NTNG1: variants seen among roughly 807,000 people sequenced by gnomAD.
The protein encoded by NTNG1 is netrin G1, also known as netrin-G1.
NTNG1 carries 16 observed loss-of-function variants against 54.0 expected under a neutral mutation model. The ratio of observed to expected loss-of-function variants is 0.30; its 90% CI spans 0.20 to 0.45. The LOEUF (loss-of-function observed/expected upper bound fraction) is 0.45. Among genes scored for constraint, NTNG1 ranks in the 20% least tolerant of loss-of-function variants. The pLI is 1.00. For synonymous variants in NTNG1, 255 were observed against 263.1 expected, an observed-to-expected ratio of 0.97 and a Z score of 0.30; for missense variants, 530 against 678.7, an observed-to-expected ratio of 0.78 and a Z score of 2.43.
intron 2 of NTNG1, among the ~76,000 whole-genome samples, chr1:107,171,684 G>A (rs1043681383): frequency 5.9e-5 from 9 of 152,156 alleles, no homozygotes; most frequent in Admixed American, 5.9e-4. Flanking sequence ...TGCATTTATC[G>A]CTCTAAAATC....
intron 3 of NTNG1, among the ~76,000 whole-genome samples, chr1:107,347,738 G>A (rs1669338048): frequency 6.6e-6 from 1 of 152,134 alleles, no homozygotes; most frequent in Non-Finnish European, 1.5e-5. Flanking sequence ...TGCATTGCTG[G>A]GGAGGCCTCA....
At chr1:107,388,206 G>A (rs1235374772) in intron 3 of NTNG1, among the ~76,000 whole-genome samples, 1 of 152,188 alleles carries the variant, frequency 6.6e-6, no homozygotes, top group African/African-American at 2.4e-5. Context: ...TAGTAGTAGA[G>A]ATAGTAACTA....
At chr1:107,352,629 G>A (rs1431684516) in intron 3 of NTNG1, among the ~76,000 whole-genome samples, 1 of 152,200 alleles carries the variant, frequency 6.6e-6, no homozygotes, top group Non-Finnish European at 1.5e-5. Flanking sequence ...AAAGAAAGGG[G>A]CTACAGGCCC....
intron 3 of NTNG1, among the ~76,000 whole-genome samples, chr1:107,360,574 A>G (rs1028613660): frequency 6.6e-6 from 1 of 152,226 alleles, no homozygotes; most frequent in Non-Finnish European, 1.5e-5. Flanking sequence ...AATATAATTT[A>G]TATGATAATG....
chr1:107,407,630 A>G (rs577951701), intron 4 of NTNG1, 52 bp from the exon 5 acceptor site: 2 of 1,395,190 alleles, frequency 1.4e-6, no homozygotes, highest in Non-Finnish European at 2.0e-6. Context: ...TAAAGATGTT[A>G]TGTACTAATA....
chr1:107,442,020 G>C (rs887375027), intron 7 of NTNG1, among the ~76,000 whole-genome samples: 2 of 152,098 alleles, frequency 1.3e-5, no homozygotes, highest in African/African-American at 2.4e-5. Context: ...AGACCATTTA[G>C]AGGATACATT....
intron 2 of NTNG1, among the ~76,000 whole-genome samples, chr1:107,219,328 G>A (rs1189838832): frequency 1.3e-5 from 2 of 151,928 alleles, no homozygotes; most frequent in African/African-American, 4.8e-5. Flanking sequence ...CCTGTACTAT[G>A]TTTTTGATTT....
chr1:107,416,570 A>AAAAC (rs1674219889), intron 5 of NTNG1, among the ~76,000 whole-genome samples: 1 of 152,098 alleles, frequency 6.6e-6, no homozygotes, highest in Admixed American at 6.6e-5. Flanking sequence ...AAAAAATCAT[A>AAAAC]AAACACTAAG....
At chr1:107,205,330 A>C (rs1659094117) in intron 2 of NTNG1, among the ~76,000 whole-genome samples, 1 of 152,100 alleles carries the variant, frequency 6.6e-6, no homozygotes, top group African/African-American at 2.4e-5. Context: ...GGTTTGCTAT[A>C]CAGCCTCAGT....
chr1:107,395,009 G>T (rs2101088845), intron 3 of NTNG1, 145 bp from the exon 4 acceptor site: 2 of 684,930 alleles, frequency 2.9e-6, no homozygotes, highest in East Asian at 2.5e-5. Flanking sequence ...GATTCTGAGG[G>T]CTGGGCCTGC....
At chr1:107,205,255 C>T (rs111539220) in intron 2 of NTNG1, among the ~76,000 whole-genome samples, 1,639 of 152,242 alleles carry the variant, frequency 0.011, 16 homozygotes, top group South Asian at 0.021. Flanking sequence ...GAGACTTCTG[C>T]TCCAGGTATG....
chr1:107,236,061 CAT>C (rs1661392003), intron 2 of NTNG1, among the ~76,000 whole-genome samples: 2 of 152,158 alleles, frequency 1.3e-5, no homozygotes, highest in South Asian at 2.1e-4. Flanking sequence ...GCATTTTACA[CAT>C]GTGTGCACAC....
chr1:107,453,690 A>G (rs140056203), intron 7 of NTNG1, among the ~76,000 whole-genome samples: 1 of 152,238 alleles, frequency 6.6e-6, no homozygotes, highest in African/African-American at 2.4e-5. Flanking sequence ...AGTGGGCTAG[A>G]CTCTTACACA....
intron 7 of NTNG1, among the ~76,000 whole-genome samples, chr1:107,465,083 T>C (rs757820473): frequency 3.5e-4 from 54 of 152,182 alleles, no homozygotes; most frequent in Non-Finnish European, 6.2e-4. Context: ...AAAGGGACTT[T>C]TTTGAAACCA....
At chr1:107,141,716 G>T (rs1653733849) in intron 1 of NTNG1, among the ~76,000 whole-genome samples, 2 of 152,082 alleles carry the variant, frequency 1.3e-5, no homozygotes. Flanking sequence ...GGCCGGTGAT[G>T]CGTCCTCTTG....
At chr1:107,212,549 T>G (rs1659667207) in intron 2 of NTNG1, among the ~76,000 whole-genome samples, 2 of 152,200 alleles carry the variant, frequency 1.3e-5, no homozygotes, top group African/African-American at 4.8e-5. Context: ...ATTTTTCTCC[T>G]TGTTAATTCA....
At chr1:107,351,657 G>T (rs908341653) in intron 3 of NTNG1, among the ~76,000 whole-genome samples, 4 of 152,172 alleles carry the variant, frequency 2.6e-5, no homozygotes, top group African/African-American at 9.6e-5. Context: ...ATATCATTCT[G>T]CCCCTGGCCC....
intron 3 of NTNG1, among the ~76,000 whole-genome samples, chr1:107,376,315 T>C (rs376718636): frequency 2.7e-5 from 4 of 150,362 alleles, no homozygotes; most frequent in Non-Finnish European, 4.4e-5. Context: ...GGCTGAGGCA[T>C]GGGAATGGCG....
chr1:107,430,869 T>C lies in NTNG1; in HGVS notation c.1207T>C (p.Tyr403His), dbSNP rs1675218435. The change falls in exon 6 of 8, where the codon TAC becomes CAC. Residue 403 changes from tyrosine to histidine, a missense_variant. Tyr to His is a moderately conservative substitution (Grantham distance 83). This residue lies in a region of NTNG1 where 212 missense variants were observed against 213.6 expected (regional missense o/e 0.99). Transcript: ENST00000370068. ...GCACTGTGAGTTATGCAGGCTGGGCTACTTCAGAAATGCTTCTGCACAACT... is the reference window on the plus strand; with the variant it reads ...GCACTGTGAGTTATGCAGGCTGGGCCACTTCAGAAATGCTTCTGCACAACT... ...GQHCELCRLG[Y>H]FRNASAQLDD... The C allele has an allele frequency of 6.2e-7, 1 of 1,613,326 alleles. No homozygotes were observed. Among genetic ancestry groups the C allele is most frequent in the East Asian group, 2.2e-5 (1 of 44,776 alleles).
Sources: allele counts gnomAD v4.1 joint callset (sites outside exome capture counted in the v4.1 genomes callset), GRCh38; gene constraint gnomAD v4.1.1; regional missense constraint gnomAD v4.1.1; transcripts MANE v1.5; gene names NCBI Gene and HGNC (gene_info 2026-07-23, HGNC 2026-07-21).